The following SPECC1 variants were observed in gnomAD, a reference collection of about 807,000 sequenced individuals.
SPECC1 encodes the protein sperm antigen with calponin homology and coiled-coil domains 1, also known as cytospin-B.
Under a neutral mutation model 104.1 loss-of-function variants are expected in SPECC1, and 62 were observed. The observed-to-expected ratio is 0.60, with a 90% confidence interval of 0.49 to 0.74. The LOEUF (loss-of-function observed/expected upper bound fraction) is 0.74. Among genes scored for constraint, SPECC1 ranks in the 30% least tolerant of loss-of-function variants. SPECC1 has a pLI of 0.00. For missense variants in SPECC1, 1,306 were observed against 1,310.5 expected, an observed-to-expected ratio of 1.00 and a Z score of 0.05; for synonymous variants, 513 against 501.6, an observed-to-expected ratio of 1.02 and a Z score of -0.30.
intron 1 of SPECC1, among the ~76,000 whole-genome samples, chr17:20,038,332 A>G (rs1453359008): frequency 1.6e-5 from 2 of 124,760 alleles, no homozygotes; most frequent in African/African-American, 5.6e-5. Flanking sequence ...TCTCTTTTCT[A>G]ATGTAAACAT....
intron 3 of SPECC1, among the ~76,000 whole-genome samples, chr17:20,186,011 T>A (rs1382978742): frequency 6.6e-6 from 1 of 152,102 alleles, no homozygotes; most frequent in Non-Finnish European, 1.5e-5. Flanking sequence ...CTAATTTTGG[T>A]ATTTTTAGTA....
At position 20,185,439 on chromosome 17, in the gene SPECC1, G is replaced by A. The variant is rs187146253; in HGVS notation, c.284-18894G>A. Among the ~76,000 whole-genome samples, 144 of 152,322 alleles carry A rather than the reference G, an allele frequency of 9.5e-4. 1 individual carries two copies. Among genetic ancestry groups the A allele is most frequent in the Non-Finnish European group, 2.4e-4 (16 of 68,026 alleles). On this transcript the variant is annotated intron_variant, in intron 3 of 14. Coordinates refer to ENST00000395527, the MANE Select transcript of SPECC1 (RefSeq NM_001243439.2). The stretch of plus-strand genomic sequence containing the variant: ...CCAACCACTGTGAGGCTACCATGCT[G>A]GGGAGACTACCACATGGTGCTCCAG...
intron 1 of SPECC1, among the ~76,000 whole-genome samples, chr17:20,067,977 G>T (rs1486370479): frequency 3.3e-5 from 5 of 152,056 alleles, no homozygotes; most frequent in Admixed American, 6.5e-5. Context: ...GGTCTTCTGT[G>T]TGTGGCTTCT....
chr17:20,141,458 G>A (rs1192040950), intron 3 of SPECC1, among the ~76,000 whole-genome samples: 1 of 152,192 alleles, frequency 6.6e-6, no homozygotes, highest in Non-Finnish European at 1.5e-5. Flanking sequence ...AACTGATTCA[G>A]AGCGAGGACA....
At chr17:20,099,364 C>A (rs1048957629) in intron 2 of SPECC1, among the ~76,000 whole-genome samples, 1 of 151,606 alleles carries the variant, frequency 6.6e-6, no homozygotes, top group Non-Finnish European at 1.5e-5. Context: ...TGCTGGAATA[C>A]GGAAATATTT....
At chr17:20,134,797 C>T (rs1324838365) in intron 3 of SPECC1, among the ~76,000 whole-genome samples, 1 of 152,118 alleles carries the variant, frequency 6.6e-6, no homozygotes, top group Non-Finnish European at 1.5e-5. Flanking sequence ...AATGCTGTCC[C>T]TGCAGGTAAC....
In SPECC1 at chr17:20,314,713, C is replaced by T. The variant is rs1292057628; in HGVS notation, c.*648C>T. ...CCCCTCCCCCCCCAAAAAAAAACAA[C>T]AAAACACAAAAAATAAACATTTGTT... is the stretch of plus-strand genomic sequence containing the variant. On this transcript the variant is annotated 3_prime_UTR_variant, in exon 15 of 15. Coordinates refer to ENST00000395527, the MANE Select transcript of SPECC1 (RefSeq NM_001243439.2). The T allele has an allele frequency of 1.5e-5, 2 of 136,716 alleles. No individual in the cohort carries two copies. Among genetic ancestry groups the T allele is most frequent in the Non-Finnish European group, 2.6e-5 (2 of 76,160 alleles). 8.5% of individuals were successfully genotyped at this position (136,716 alleles called of 1,614,324 possible).
At chr17:20,154,233 TA>T (rs1442726046) in intron 3 of SPECC1, among the ~76,000 whole-genome samples, 1 of 152,194 alleles carries the variant, frequency 6.6e-6, no homozygotes, top group African/African-American at 2.4e-5. Context: ...AAACATGTAG[TA>T]TATGGAATGG....
chr17:20,241,276 A>C (rs1024994939), intron 7 of SPECC1, among the ~76,000 whole-genome samples: 2 of 152,146 alleles, frequency 1.3e-5, no homozygotes, highest in African/African-American at 4.8e-5. Flanking sequence ...CGTGCCCCTC[A>C]TCCATTTTAG....
Position 20,155,875 on chromosome 17 carries a change from G to C in SPECC1, c.283+45313G>C, listed in dbSNP as rs1461690058. On this transcript the variant is annotated intron_variant, in intron 3 of 14. Coordinates refer to ENST00000395527, the MANE Select transcript of SPECC1 (RefSeq NM_001243439.2). ...TGGCAGCCAAGAAGGAAATACAGAT[G>C]AGGTGGGCGGACAGTATGCAGATGA... The C allele has an allele frequency of 5.5e-6, 6 of 1,095,366 alleles. No individual in the cohort carries two copies. In the African/African-American group the frequency reaches 9.7e-5, roughly 18 times the overall value. The allele number at this position is 1,095,366 out of a possible 1,614,324, so 67.9% of individuals were successfully genotyped here. A position where few individuals can be genotyped will look rare whatever the true frequency, so the allele number is the denominator to read the frequency against.
chr17:20,240,209 GC>G (rs1214591304), intron 7 of SPECC1, among the ~76,000 whole-genome samples: 1 of 150,902 alleles, frequency 6.6e-6, no homozygotes, highest in Non-Finnish European at 1.5e-5. Flanking sequence ...GAGCCACCAT[GC>G]CCAGCCCTTT....
At chr17:20,112,090 G>A in intron 3 of SPECC1, 1 of 765,774 alleles carries the variant, frequency 1.3e-6, no homozygotes, top group East Asian at 2.5e-5. Flanking sequence ...CACATAGACT[G>A]GCTAACATTA....
intron 1 of SPECC1, among the ~76,000 whole-genome samples, chr17:20,040,723 G>GT (rs2045290281): frequency 5.3e-5 from 8 of 152,066 alleles, no homozygotes; most frequent in Admixed American, 5.2e-4. Flanking sequence ...ATGAAGTGTT[G>GT]TTTCACTCAC....
chr17:20,049,218 A>G (rs1272402741), intron 1 of SPECC1, among the ~76,000 whole-genome samples: 1 of 152,166 alleles, frequency 6.6e-6, no homozygotes. Flanking sequence ...ATTCTCACCA[A>G]CATGATGATG....
rs2036631560 is a variant in SPECC1, at chr17:20,204,408, C to T, written c.359C>T (p.Ser120Phe). 6.2e-7 allele frequency: 1 copy of T among 1,614,150 alleles called. No homozygotes were observed. The highest frequency in any genetic ancestry group is 8.5e-7 in the Non-Finnish European group (1 of 1,180,028). ...EFSVTVSRER[S>F]VPRGPSNPRK... ...TCAGTAACTGTCTCAAGAGAGAGGT[C>T]TGTGCCACGTGGTCCCTCCAACCCC... The change falls in exon 4 of 15, where the codon TCT becomes TTT. Residue 120 changes from serine (S) to phenylalanine (F), a missense_variant. Physicochemically the swap from Ser to Phe is radical, Grantham distance 155 (BLOSUM62 -2). Transcript: ENST00000395527.
chr17:20,107,676 C>A (rs1355965380), intron 2 of SPECC1, among the ~76,000 whole-genome samples: 1 of 151,832 alleles, frequency 6.6e-6, no homozygotes, highest in Admixed American at 6.6e-5. Flanking sequence ...AGGCTCATCT[C>A]GAACTCACCT....
intron 2 of SPECC1, among the ~76,000 whole-genome samples, chr17:20,098,230 A>G (rs139180141): frequency 6.6e-6 from 1 of 152,202 alleles, no homozygotes; most frequent in East Asian, 1.9e-4. Context: ...TTGTGTAAAT[A>G]GCAACTCCAT....
chr17:20,156,244 C>T lies in SPECC1; in HGVS notation c.283+45682C>T, dbSNP rs554124645. On this transcript the variant is annotated intron_variant, in intron 3 of 14. Transcript: ENST00000395527. Reference sequence around the variant, plus strand: ...CCGAGGATCCGGAACCAGGTCTGTGCGGCTGGCGGGGGTCGCGCCGCAGCC... The same window carrying T: ...CCGAGGATCCGGAACCAGGTCTGTGTGGCTGGCGGGGGTCGCGCCGCAGCC... 8.1e-6 allele frequency: 11 copies of T among 1,361,266 alleles called. No individual in the cohort carries two copies. In the East Asian group the frequency reaches 2.8e-4, roughly 34 times the overall value. The allele number at this position is 1,361,266 out of a possible 1,614,324, so 84.3% of individuals were successfully genotyped here. A position where few individuals can be genotyped will look rare whatever the true frequency, so the allele number is the denominator to read the frequency against.
chr17:20,219,653 C>G (rs1336984606), intron 4 of SPECC1, among the ~76,000 whole-genome samples: 1 of 152,080 alleles, frequency 6.6e-6, no homozygotes, highest in Non-Finnish European at 1.5e-5. Flanking sequence ...TGATTGTTTC[C>G]TTTGCTGTGC....
Sources: allele counts gnomAD v4.1 joint callset (sites outside exome capture counted in the v4.1 genomes callset), GRCh38; gene constraint gnomAD v4.1.1; transcripts MANE v1.5; gene names NCBI Gene and HGNC (gene_info 2026-07-23, HGNC 2026-07-21).